PSTPIP2: variants seen among roughly 807,000 people sequenced by gnomAD.
PSTPIP2 encodes proline-serine-threonine phosphatase interacting protein 2.
A neutral mutation model predicts 63.3 loss-of-function variants in PSTPIP2; 33 were observed. The ratio of observed to expected loss-of-function variants is 0.52; its 90% CI spans 0.40 to 0.70. The LOEUF is 0.70. Among genes scored for constraint, PSTPIP2 ranks in the 30% least tolerant of loss-of-function variants. The pLI, the probability that PSTPIP2 is intolerant of heterozygous loss-of-function variation, is 0.00. For synonymous variants in PSTPIP2, 125 were observed against 132.7 expected (o/e 0.94, Z 0.40); for missense variants, 312 against 400.7 (o/e 0.78, Z 1.89).
intron 3 of PSTPIP2, among the ~76,000 whole-genome samples, chr18:46,022,500 C>T (rs937069747): frequency 3.9e-5 from 6 of 152,134 alleles, no homozygotes; most frequent in Non-Finnish European, 7.4e-5. Flanking sequence ...TAAACCCTCC[C>T]TCAACATGTT....
intron 2 of PSTPIP2, chr18:46,029,882 A>T (rs1907727462): frequency 3.3e-6 from 1 of 306,546 alleles, no homozygotes; most frequent in South Asian, 3.2e-5. Flanking sequence ...TGGGAGGCCG[A>T]GGCGGGTGGA....
At chr18:45,991,880 A>G in intron 12 of PSTPIP2, 22 bp downstream of exon 12, 1 of 1,556,692 alleles carries the variant, frequency 6.4e-7, no homozygotes, top group Non-Finnish European at 8.8e-7. Flanking sequence ...TTTTCTTCAT[A>G]TGAAAGGCAG....
rs1343761729 is a variant in PSTPIP2 at position 45,999,463 on chromosome 18, G to A, written c.489C>T (p.Asn163=). 6.2e-7 allele frequency: 1 copy of A among 1,614,202 alleles called. No homozygotes were observed. Among genetic ancestry groups the A allele is most frequent in the Admixed American group, 1.7e-5 (1 of 60,024 alleles). The change falls in exon 7 of 15, where the codon AAC becomes AAT. Residue 163 remains asparagine, a synonymous_variant. Coordinates refer to ENST00000409746, the MANE Select transcript of PSTPIP2 (RefSeq NM_024430.4). ...TTTCTTGTTGCTTCGGGTTCACCAGGTTGGCACTCCGGCTGACGGCCTGTT... is the reference window on the plus strand; with the variant it reads ...TTTCTTGTTGCTTCGGGTTCACCAGATTGGCACTCCGGCTGACGGCCTGTT... ...EAEQAVSRSA[N]LVNPKQQEKL...
At chr18:46,056,602 C>CA (rs1908763967) in intron 1 of PSTPIP2, among the ~76,000 whole-genome samples, 1 of 152,114 alleles carries the variant, frequency 6.6e-6, no homozygotes, top group African/African-American at 2.4e-5. Context: ...TGGTGCACAC[C>CA]TGTGGTCCCA....
chr18:45,993,862 C>T (rs1261516381), intron 9 of PSTPIP2, 159 bp from the exon 10 acceptor site: 3 of 629,688 alleles, frequency 4.8e-6, no homozygotes, highest in Non-Finnish European at 8.4e-6. Context: ...CTCATAAACT[C>T]ATATCACAAA....
intron 2 of PSTPIP2, among the ~76,000 whole-genome samples, chr18:46,036,179 AT>A (rs1244560522): frequency 1.3e-5 from 2 of 149,930 alleles, no homozygotes; most frequent in African/African-American, 4.9e-5. Context: ...GTGTTATAAT[AT>A]TGATTGTAAC....
intron 2 of PSTPIP2, among the ~76,000 whole-genome samples, chr18:46,038,279 T>G (rs921476220): frequency 5.3e-5 from 8 of 152,220 alleles, no homozygotes; most frequent in Admixed American, 4.6e-4. Context: ...ATGTGTGTAC[T>G]GGGTGGCTGT....
chr18:46,010,857 C>T, intron 5 of PSTPIP2: 1 of 218,904 alleles, frequency 4.6e-6, no homozygotes, highest in African/African-American at 2.2e-5. Flanking sequence ...GTTTTGGGAG[C>T]CGTCCAGCTG....
chr18:46,059,076 GC>G (rs1472018525), intron 1 of PSTPIP2, among the ~76,000 whole-genome samples: 4 of 146,780 alleles, frequency 2.7e-5, no homozygotes, highest in African/African-American at 1.0e-4. Context: ...TCCCTCTGTC[GC>G]CCAGGCTGGA....
At chr18:46,058,806 C>T (rs535600753) in intron 1 of PSTPIP2, among the ~76,000 whole-genome samples, 4 of 152,186 alleles carry the variant, frequency 2.6e-5, no homozygotes, top group African/African-American at 4.8e-5. Context: ...CTGTCACCAG[C>T]GGGGTGGGAC....
In PSTPIP2 at chr18:46,036,251, G is replaced by C. The variant is rs898325535; in HGVS notation, c.134+3696C>G. Among the ~76,000 whole-genome samples the C allele has an allele frequency of 6.0e-5, 9 of 151,228 alleles. No homozygotes were observed. In the South Asian group the frequency reaches 1.7e-3, roughly 28 times the overall value. ...AATGTAGTAGTTATAAACAATTATT[G>C]TAACAATTAATTGTTAACAATTATT... On this transcript the variant is annotated intron_variant, in intron 2 of 14. Coordinates refer to ENST00000409746, the MANE Select transcript of PSTPIP2 (RefSeq NM_024430.4).
intron 10 of PSTPIP2, 95 bp downstream of exon 10, chr18:45,993,510 C>A: frequency 8.1e-7 from 1 of 1,237,792 alleles, no homozygotes; most frequent in Non-Finnish European, 1.2e-6. Context: ...CTTACTTCAC[C>A]AAGGGCAAAG....
intron 1 of PSTPIP2, 65 bp downstream of exon 1, chr18:46,072,091 C>T (rs1260089348): frequency 2.0e-6 from 3 of 1,505,500 alleles, no homozygotes; most frequent in African/African-American, 1.5e-5. Flanking sequence ...CCACGCCCGC[C>T]GCGTTGGCCT....
chr18:45,984,868 TG>T lies in PSTPIP2; in HGVS notation c.*590del, dbSNP rs1394587666. 1.3e-5 allele frequency: 2 copies of T among 152,766 alleles called. No individual in the cohort carries two copies. The highest frequency in any genetic ancestry group is 2.9e-5 in the Non-Finnish European group (2 of 68,314). The allele number at this position is 152,766 out of a possible 1,614,324, so 9.5% of individuals were successfully genotyped here. On this transcript the variant is annotated 3_prime_UTR_variant, in exon 15 of 15. Coordinates refer to ENST00000409746, the MANE Select transcript of PSTPIP2 (RefSeq NM_024430.4). ...GGGTTAGAAGAATAGTGATGTGGGT[TG>T]GGCTCAGGCTCTAGTTCTGGTTCTG...
At chr18:46,001,564 A>C (rs1326926282) in intron 6 of PSTPIP2, among the ~76,000 whole-genome samples, 1 of 152,136 alleles carries the variant, frequency 6.6e-6, no homozygotes, top group Non-Finnish European at 1.5e-5. Context: ...TGTTCAATTC[A>C]GTGGTATTAG....
At chr18:46,033,525 C>T (rs548871551) in intron 2 of PSTPIP2, among the ~76,000 whole-genome samples, 15 of 151,914 alleles carry the variant, frequency 9.9e-5, no homozygotes, top group Non-Finnish European at 1.8e-4. Context: ...TGGTGAAACC[C>T]GGTCTCTACT....
rs1441594869 is a variant in PSTPIP2 at position 46,072,152 on chromosome 18, T to G, written c.33+4A>C. On this transcript the variant is annotated splice_donor_region_variant and intron_variant, in intron 1 of 14. Coordinates refer to ENST00000409746, the MANE Select transcript of PSTPIP2 (RefSeq NM_024430.4). ...CGCGATCCGCTGTCGGCCCCACGAC[T>G]TACCCAAAAGTTTCCCTTGAACAGT... is the stretch of plus-strand genomic sequence containing the variant. 2 of 1,535,398 alleles carry G rather than the reference T, an allele frequency of 1.3e-6. No individual in the cohort carries two copies. The highest frequency in any genetic ancestry group is 2.8e-5 in the African/African-American group (2 of 70,796).
chr18:46,047,250 C>A (rs1908413518), intron 1 of PSTPIP2, among the ~76,000 whole-genome samples: 1 of 152,054 alleles, frequency 6.6e-6, no homozygotes, highest in African/African-American at 2.4e-5. Context: ...TCAAATTCTG[C>A]ATATATGGAT....
At chr18:46,011,016 C>T in intron 5 of PSTPIP2, 165 bp downstream of exon 5, 3 of 616,212 alleles carry the variant, frequency 4.9e-6, no homozygotes, top group Non-Finnish European at 8.7e-6. Flanking sequence ...TGTAGAAATG[C>T]ATATACCCAT....
Sources: allele counts gnomAD v4.1 joint callset (sites outside exome capture counted in the v4.1 genomes callset), GRCh38; gene constraint gnomAD v4.1.1; transcripts MANE v1.5; gene names NCBI Gene and HGNC (gene_info 2026-07-23, HGNC 2026-07-21).